PDPR: variants seen among roughly 807,000 people sequenced by gnomAD.
The protein encoded by PDPR is pyruvate dehydrogenase phosphatase regulatory subunit, mitochondrial.
In PDPR, 50 loss-of-function variants were observed where a neutral mutation model predicts 102.2. The observed-to-expected ratio is 0.49, with a 90% CI of 0.39 to 0.62. PDPR has a LOEUF of 0.62. Among genes scored for constraint, PDPR ranks in the 20% least tolerant of loss-of-function variants. The pLI, the probability that PDPR is intolerant of heterozygous loss-of-function variation, is 0.00. For synonymous variants in PDPR, 259 were observed against 406.0 expected, an observed-to-expected ratio of 0.64 and a Z score of 4.35; for missense variants, 625 against 1,098.2, an observed-to-expected ratio of 0.57 and a Z score of 6.09.
chr16:70,153,721 C>T (rs921428679), intron 18 of PDPR, 148 bp downstream of exon 18: 1 of 885,850 alleles, frequency 1.1e-6, no homozygotes, highest in Non-Finnish European at 1.7e-6. Context: ...CAAGAGTGCC[C>T]TGAGAATGAA....
intron 18 of PDPR, among the ~76,000 whole-genome samples, chr16:70,155,312 G>T (rs1483960551): frequency 4.6e-5 from 7 of 151,912 alleles, no homozygotes; most frequent in Non-Finnish European, 1.0e-4. Flanking sequence ...ACGGAGTTTC[G>T]TTCTTGTTGT....
At chr16:70,126,106 T>C (rs1474436138) in intron 3 of PDPR, among the ~76,000 whole-genome samples, 2 of 152,302 alleles carry the variant, frequency 1.3e-5, no homozygotes, top group Non-Finnish European at 2.9e-5. Context: ...CCTTACACAC[T>C]GTTCTTCACC....
chr16:70,139,871 CTGTT>C (rs1462606661), intron 11 of PDPR, among the ~76,000 whole-genome samples: 1 of 152,260 alleles, frequency 6.6e-6, no homozygotes, highest in Non-Finnish European at 1.5e-5. Flanking sequence ...TGCAAGTAAA[CTGTT>C]AGTTTGGTAG....
intron 17 of PDPR, among the ~76,000 whole-genome samples, chr16:70,152,795 T>C (rs1426985072): frequency 1.3e-5 from 2 of 152,296 alleles, no homozygotes; most frequent in African/African-American, 2.4e-5. Context: ...TTCTGTTCAC[T>C]GATCTGATAA....
chr16:70,150,928 C>G (rs1356067604), intron 17 of PDPR, among the ~76,000 whole-genome samples: 1 of 152,222 alleles, frequency 6.6e-6, no homozygotes, highest in African/African-American at 2.4e-5. Context: ...CACAGATGCC[C>G]AGCTATCTTT....
rs987607463 is a variant in PDPR, at chr16:70,159,920, C to T, written c.*3041C>T. ...TCTGGGCAGCACGTTTGTCTTCTGT[C>T]CCTAGAGATTTGAAGGATTTTGGAC... On this transcript the variant is annotated 3_prime_UTR_variant, in exon 19 of 19. Coordinates refer to ENST00000288050, the MANE Select transcript of PDPR (RefSeq NM_017990.5). 6.5e-6 allele frequency: 1 copy of T among 153,066 alleles called. No homozygotes were observed. The highest frequency in any genetic ancestry group is 2.4e-5 in the African/African-American group (1 of 41,500). 9.5% of individuals were successfully genotyped at this position (153,066 alleles called of 1,614,324 possible).
intron 3 of PDPR, among the ~76,000 whole-genome samples, chr16:70,124,816 A>C (rs1217332330): frequency 6.6e-6 from 1 of 152,254 alleles, no homozygotes; most frequent in Non-Finnish European, 1.5e-5. Context: ...TATAATTATT[A>C]GAGTAAATAC....
chr16:70,163,164 T>C (rs1967931017), downstream of PDPR, among the ~76,000 whole-genome samples: 1 of 152,240 alleles, frequency 6.6e-6, no homozygotes, highest in East Asian at 1.9e-4. Flanking sequence ...GCCAGGCTGG[T>C]CTCAAACCCC....
intron 18 of PDPR, 111 bp downstream of exon 18, chr16:70,153,684 T>C: frequency 5.9e-6 from 7 of 1,184,290 alleles, no homozygotes; most frequent in Non-Finnish European, 7.0e-6. Flanking sequence ...GATTGAGGCC[T>C]TGATGTTAGC....
chr16:70,143,368 G>C, intron 13 of PDPR, 142 bp from the exon 14 acceptor site: 1 of 989,826 alleles, frequency 1.0e-6, no homozygotes, highest in Non-Finnish European at 1.5e-6. Context: ...GGAGCTTCTT[G>C]CAGTGGAGTA....
At chr16:70,123,470 TCAAGTGATCCGCC>T (rs1217875223) in intron 3 of PDPR, among the ~76,000 whole-genome samples, 1 of 152,248 alleles carries the variant, frequency 6.6e-6, no homozygotes, top group Admixed American at 6.5e-5. Flanking sequence ...ACTCCTGGGC[TCAAGTGATCCGCC>T]CACCTCAACC....
At chr16:70,150,397 C>A (rs1175519615) in intron 17 of PDPR, among the ~76,000 whole-genome samples, 2 of 128,588 alleles carry the variant, frequency 1.6e-5, no homozygotes, top group Admixed American at 7.7e-5. Flanking sequence ...AGCCACCGCA[C>A]CCGGGCCCAT....
At chr16:70,148,032 G>A (rs1966378966) in intron 16 of PDPR, among the ~76,000 whole-genome samples, 1 of 152,254 alleles carries the variant, frequency 6.6e-6, no homozygotes, top group South Asian at 2.1e-4. Context: ...CCCCAGGATA[G>A]CAGATTAATT....
At chr16:70,132,374 A>G (rs1964628037) in intron 9 of PDPR, 74 bp downstream of exon 9, 2 of 1,439,604 alleles carry the variant, frequency 1.4e-6, no homozygotes, top group African/African-American at 2.9e-5. Context: ...TATTTTGAAG[A>G]ATAGTTCCTT....
intron 3 of PDPR, among the ~76,000 whole-genome samples, chr16:70,126,605 C>T (rs531190004): frequency 1.8e-4 from 28 of 152,310 alleles, no homozygotes; most frequent in African/African-American, 4.6e-4. Context: ...CCTTGTGATC[C>T]GCCCACCTCA....
intron 9 of PDPR, among the ~76,000 whole-genome samples, chr16:70,133,794 T>C (rs1207253484): frequency 1.3e-5 from 2 of 151,876 alleles, no homozygotes; most frequent in African/African-American, 4.8e-5. Context: ...AGTGCAATGG[T>C]GCGATCTCGG....
rs766890070 is a variant in PDPR, at chr16:70,120,579, G to A, written c.87G>A (p.Thr29=). Residue 29 remains threonine (T), a synonymous_variant, in exon 3 of 19, where the codon ACG becomes ACA. Transcript: ENST00000288050. The part of the protein sequence containing the change: ...WQNWSSARNS[T]SAAEARSMAL... ...ACTGGTCCTCTGCAAGAAACAGCAC[G>A]TCAGCTGCCGAGGCGCGTTCCATGG... 167 of 1,613,562 alleles carry A rather than the reference G, an allele frequency of 1.0e-4. No individual in the cohort carries two copies. The highest frequency in any genetic ancestry group is 3.3e-4 in the Middle Eastern group (2 of 6,082).
chr16:70,134,785 C>CAAAAAA (rs373669213), intron 9 of PDPR, among the ~76,000 whole-genome samples: 1 of 137,158 alleles, frequency 7.3e-6, no homozygotes, highest in Non-Finnish European at 1.6e-5. Context: ...GACTCCATCT[C>CAAAAAA]AAAAAAAAAA....
chr16:70,134,859 A>T (rs565073391), intron 9 of PDPR, among the ~76,000 whole-genome samples: 17 of 152,348 alleles, frequency 1.1e-4, no homozygotes, highest in African/African-American at 3.6e-4. Flanking sequence ...GTCTCTAATG[A>T]AGAATTTCCC....
Sources: allele counts gnomAD v4.1 joint callset (sites outside exome capture counted in the v4.1 genomes callset), GRCh38; gene constraint gnomAD v4.1.1; transcripts MANE v1.5; gene names NCBI Gene and HGNC (gene_info 2026-07-23, HGNC 2026-07-21).